The following ZNF37A variants were observed in gnomAD, a reference collection of about 807,000 sequenced individuals.
ZNF37A encodes the protein zinc finger protein 37A, also known as zinc finger protein 37a (KOX 21).
Under a neutral mutation model 12.3 loss-of-function variants are expected in ZNF37A, and 10 were observed. That is an observed-to-expected ratio of 0.82 (90% CI 0.50 to 1.38). The LOEUF (loss-of-function observed/expected upper bound fraction) is 1.38. Among genes scored for constraint, ZNF37A ranks in the 40% most tolerant of loss-of-function variants. The probability of loss-of-function intolerance (pLI) is 0.00; values close to 1 mark genes in which losing one functional copy is unlikely to be tolerated. For synonymous variants in ZNF37A, 207 were observed against 223.0 expected (o/e 0.93, Z 0.64); for missense variants, 580 against 651.2 (o/e 0.89, Z 1.19).
chr10:38,113,625 A>G (rs991037942), intron 5 of ZNF37A, among the ~76,000 whole-genome samples: 1 of 152,118 alleles, frequency 6.6e-6, no homozygotes, highest in African/African-American at 2.4e-5. Context: ...TAAGGCCTCT[A>G]TGCAGGCCCT....
intron 5 of ZNF37A, among the ~76,000 whole-genome samples, chr10:38,108,183 A>G (rs1247044337): frequency 6.6e-6 from 1 of 152,230 alleles, no homozygotes; most frequent in African/African-American, 2.4e-5. Flanking sequence ...ATTAGAAACC[A>G]GGATTAAGAA....
intron 6 of ZNF37A, 83 bp downstream of exon 6, chr10:38,114,964 TATA>T (rs1285704159): frequency 2.8e-5 from 42 of 1,497,988 alleles, no homozygotes; most frequent in Admixed American, 2.5e-4. Context: ...TTTTGTAAAA[TATA>T]ATAATATTTA....
At chr10:38,146,975 G>A in exon 8 of ZNF37A, 1 of 382,644 alleles carries the variant, frequency 2.6e-6, no homozygotes, top group Non-Finnish European at 4.6e-6. Flanking sequence ...TTATAGATTA[G>A]CTAAAAGCAT....
chr10:38,136,290 C>T (rs2070106243), intron 7 of ZNF37A, among the ~76,000 whole-genome samples: 1 of 152,084 alleles, frequency 6.6e-6, no homozygotes, highest in Non-Finnish European at 1.5e-5. Context: ...ATTATAGGCA[C>T]CTGCCACCAC....
intron 5 of ZNF37A, among the ~76,000 whole-genome samples, chr10:38,110,683 A>C (rs1206779276): frequency 6.6e-6 from 1 of 152,248 alleles, no homozygotes; most frequent in Non-Finnish European, 1.5e-5. Context: ...AAATGAACAG[A>C]CACTTCTCAA....
At chr10:38,096,416 G>A (rs371274325) in intron 4 of ZNF37A, among the ~76,000 whole-genome samples, 158 bp from the exon 5 acceptor site, 1 of 152,140 alleles carries the variant, frequency 6.6e-6, no homozygotes, top group Admixed American at 6.5e-5. Context: ...GAAAACAAAC[G>A]TTTTTACATT....
rs1404552517 is a variant in ZNF37A, at chr10:38,122,577, G to A, written c.*3740G>A. The A allele has an allele frequency of 6.6e-6, 1 of 152,084 alleles. No individual in the cohort carries two copies. Among genetic ancestry groups the A allele is most frequent in the Non-Finnish European group, 1.5e-5 (1 of 68,042 alleles). 9.4% of individuals were successfully genotyped at this position (152,084 alleles called of 1,614,324 possible). ...CAAAGGAATGAAGAACATACACTGG[G>A]GAAAAGATAATGTCTTTAATAAATG... On this transcript the variant is annotated 3_prime_UTR_variant, in exon 8 of 8. Transcript: ENST00000685332.
chr10:38,104,521 G>T (rs531086932), intron 5 of ZNF37A, among the ~76,000 whole-genome samples: 8 of 150,584 alleles, frequency 5.3e-5, no homozygotes, highest in Admixed American at 4.7e-4. Context: ...GAGTTTTGGA[G>T]TTACCTTTTC....
At chr10:38,136,302 C>T (rs2070106541) in intron 7 of ZNF37A, among the ~76,000 whole-genome samples, 1 of 152,090 alleles carries the variant, frequency 6.6e-6, no homozygotes, top group African/African-American at 2.4e-5. Context: ...TGCCACCACG[C>T]CTGGCTAATT....
chr10:38,121,117 C>T lies in ZNF37A; in HGVS notation c.*2280C>T, dbSNP rs1236188109. ...TATTCCAAATATTTAAGAAATAATACCAGGCTTTTATAAACTTTTCTAGAA... is the reference window on the plus strand; with the variant it reads ...TATTCCAAATATTTAAGAAATAATATCAGGCTTTTATAAACTTTTCTAGAA... On this transcript the variant is annotated 3_prime_UTR_variant, in exon 8 of 8. Transcript: ENST00000685332. 3.9e-5 allele frequency: 6 copies of T among 151,984 alleles called. No individual in the cohort carries two copies. The East Asian group carries it at 1.2e-3, about 29-fold the overall frequency. 9.4% of individuals were successfully genotyped at this position (151,984 alleles called of 1,614,324 possible).
intron 5 of ZNF37A, among the ~76,000 whole-genome samples, chr10:38,106,000 G>A (rs569115908): frequency 6.6e-6 from 1 of 151,890 alleles, no homozygotes; most frequent in Admixed American, 6.6e-5. Context: ...ATTTGCTCTG[G>A]CTAGAACTTT....
chr10:38,147,915 C>T (rs1402068578), exon 8 of ZNF37A: 5 of 152,198 alleles, frequency 3.3e-5, no homozygotes. Flanking sequence ...AAAGACTCTC[C>T]TTCAAAAAAT....
downstream of ZNF37A, among the ~76,000 whole-genome samples, chr10:38,127,292 G>A (rs576927477): frequency 6.6e-6 from 1 of 152,114 alleles, no homozygotes; most frequent in Non-Finnish European, 1.5e-5. Flanking sequence ...AATCAGTAAG[G>A]TCTAGAGCGA....
At chr10:38,127,087 C>G (rs1373543289), downstream of ZNF37A, among the ~76,000 whole-genome samples, 2 of 152,080 alleles carry the variant, frequency 1.3e-5, no homozygotes, top group African/African-American at 4.8e-5. Flanking sequence ...ATTCCAGTTA[C>G]CAAATAATTC....
intron 4 of ZNF37A, 97 bp from the exon 5 acceptor site, chr10:38,096,477 G>A (rs1299251700): frequency 1.3e-6 from 1 of 753,900 alleles, no homozygotes; most frequent in Non-Finnish European, 2.3e-6. Context: ...GTCATGCATG[G>A]GCGTGTGAGT....
At chr10:38,100,314 G>T (rs1014919299) in intron 5 of ZNF37A, among the ~76,000 whole-genome samples, 3 of 152,166 alleles carry the variant, frequency 2.0e-5, no homozygotes, top group African/African-American at 4.8e-5. Flanking sequence ...CAGGAGACAG[G>T]GTTTTGAGAG....
chr10:38,106,222 A>G (rs2068071244), intron 5 of ZNF37A, among the ~76,000 whole-genome samples: 3 of 152,222 alleles, frequency 2.0e-5, no homozygotes, highest in Non-Finnish European at 4.4e-5. Flanking sequence ...GTGGACCTCC[A>G]GCAAACTCCA....
chr10:38,118,609 G>C lies in ZNF37A; in HGVS notation c.1458G>C (p.Gln486His). ...FRQKSALIVH[Q>H]RTHIRQKPYG... ...AGAAGTCAGCCCTAATTGTTCACCA[G>C]AGAACTCATATAAGACAGAAACCCT... The change falls in exon 8 of 8, where the codon CAG (glutamine) becomes CAC (histidine). Residue 486 changes from glutamine (Q) to histidine (H), a missense_variant. By Grantham distance (24) the Gln-to-His change is conservative. Coordinates refer to ENST00000685332, the MANE Select transcript of ZNF37A (RefSeq NM_001324250.3). 3 of 1,605,644 alleles carry C rather than the reference G, an allele frequency of 1.9e-6. No homozygotes were observed. Among genetic ancestry groups the C allele is most frequent in the Non-Finnish European group, 2.6e-6 (3 of 1,174,812 alleles).
At chr10:38,132,950 G>T (rs1423324405) in intron 7 of ZNF37A, among the ~76,000 whole-genome samples, 1 of 151,620 alleles carries the variant, frequency 6.6e-6, no homozygotes, top group Non-Finnish European at 1.5e-5. Flanking sequence ...TATTTTGAGG[G>T]TTTGTCATTA....
Sources: allele counts gnomAD v4.1 joint callset (sites outside exome capture counted in the v4.1 genomes callset), GRCh38; gene constraint gnomAD v4.1.1; transcripts MANE v1.5; gene names NCBI Gene and HGNC (gene_info 2026-07-23, HGNC 2026-07-21).